Variants in RHPN2 observed in about 807,000 individuals in gnomAD.
RHPN2 encodes the protein rhophilin-2.
A neutral mutation model predicts 79.0 loss-of-function variants in RHPN2; 40 were observed. The observed-to-expected ratio is 0.51, with a 90% CI of 0.39 to 0.66. RHPN2 has a LOEUF of 0.66. RHPN2 is among the 30% of genes least tolerant of loss of function. The probability of loss-of-function intolerance (pLI) is 0.00; values close to 1 mark genes in which losing one functional copy is unlikely to be tolerated. For missense variants in RHPN2, 686 were observed against 883.5 expected, an observed-to-expected ratio of 0.78 and a Z score of 2.83; for synonymous variants, 285 against 363.5, an observed-to-expected ratio of 0.78 and a Z score of 2.46.
chr19:33,055,360 C>T (rs1972223307), intron 1 of RHPN2, among the ~76,000 whole-genome samples: 1 of 149,416 alleles, frequency 6.7e-6, no homozygotes, highest in South Asian at 2.1e-4. Flanking sequence ...ATTCTGTCAT[C>T]TTTAAAAAAA....
rs1304596264 is a variant in RHPN2, at chr19:33,064,875, G to A, written c.-23C>T. 15 of 1,494,682 alleles carry A rather than the reference G, an allele frequency of 1.0e-5. No homozygotes were observed. The highest frequency in any genetic ancestry group is 1.3e-5 in the Non-Finnish European group (15 of 1,128,846). 92.6% of individuals were successfully genotyped at this position (1,494,682 alleles called of 1,614,324 possible). A position where few individuals can be genotyped will look rare whatever the true frequency, so the allele number is the denominator to read the frequency against. On this transcript the variant is annotated 5_prime_UTR_variant, in exon 1 of 15. Coordinates refer to ENST00000254260, the MANE Select transcript of RHPN2 (RefSeq NM_033103.5). ...CATGCTAGCGGCGCGGGCGCGGAGG[G>A]CGGACGGCGGACTGAGGCGCGGCGG...
chr19:33,015,105 G>A (rs1007127021), intron 4 of RHPN2, among the ~76,000 whole-genome samples: 2 of 151,680 alleles, frequency 1.3e-5, no homozygotes, highest in African/African-American at 4.8e-5. Context: ...AACTAGGGTA[G>A]ATTAACGTAC....
At chr19:33,045,943 TATA>T (rs1252001325) in intron 1 of RHPN2, among the ~76,000 whole-genome samples, 1 of 152,244 alleles carries the variant, frequency 6.6e-6, no homozygotes, top group Non-Finnish European at 1.5e-5. Context: ...AACGGAATCA[TATA>T]ATATGTGGCC....
intron 2 of RHPN2, among the ~76,000 whole-genome samples, chr19:33,035,590 CAGGTGT>C (rs1250776154): frequency 3.3e-5 from 5 of 152,094 alleles, no homozygotes; most frequent in Admixed American, 2.6e-4. Flanking sequence ...GTTGCTAGCA[CAGGTGT>C]AGGTCAGAGG....
chr19:32,995,210 C>T (rs902363836), intron 11 of RHPN2, among the ~76,000 whole-genome samples: 1 of 151,968 alleles, frequency 6.6e-6, no homozygotes, highest in Non-Finnish European at 1.5e-5. Context: ...GTAGCTGGAA[C>T]TATAGGTATG....
chr19:33,057,105 G>A (rs1599837712), intron 1 of RHPN2, among the ~76,000 whole-genome samples: 2 of 143,392 alleles, frequency 1.4e-5, no homozygotes, highest in East Asian at 4.1e-4. Flanking sequence ...GGGCAACAGA[G>A]CCAGACTCTG....
chr19:33,060,881 A>G (rs540321772), intron 1 of RHPN2, among the ~76,000 whole-genome samples: 18 of 152,176 alleles, frequency 1.2e-4, no homozygotes, highest in Non-Finnish European at 2.2e-4. Flanking sequence ...AAGAGAAGGA[A>G]GGGCAAAGAT....
chr19:33,026,181 G>A (rs1971964857), intron 3 of RHPN2, among the ~76,000 whole-genome samples: 1 of 151,780 alleles, frequency 6.6e-6, no homozygotes, highest in South Asian at 2.1e-4. Context: ...AGCAGAGACG[G>A]GGTTTCACCA....
chr19:33,019,027 A>T (rs1971901245), intron 4 of RHPN2, among the ~76,000 whole-genome samples: 1 of 106,784 alleles, frequency 9.4e-6, no homozygotes, highest in Admixed American at 8.9e-5. Flanking sequence ...GCGAAACTCC[A>T]GCTCAAAAAA....
intron 7 of RHPN2, among the ~76,000 whole-genome samples, chr19:33,003,961 C>T (rs894068383): frequency 6.6e-6 from 1 of 152,126 alleles, no homozygotes; most frequent in African/African-American, 2.4e-5. Flanking sequence ...GGTTGCTTGA[C>T]ATTAAGAGTT....
At chr19:33,011,540 A>G (rs940685699) in intron 6 of RHPN2, 139 bp downstream of exon 6, 10 of 1,037,310 alleles carry the variant, frequency 9.6e-6, no homozygotes, top group Admixed American at 1.9e-5. Flanking sequence ...ATCTTTTGAG[A>G]CTTCCCCAGA....
intron 1 of RHPN2, among the ~76,000 whole-genome samples, chr19:33,059,221 G>A (rs1972259254): frequency 6.6e-6 from 1 of 151,708 alleles, no homozygotes; most frequent in Non-Finnish European, 1.5e-5. Flanking sequence ...CGACTCCTGG[G>A]CCCCATCCCC....
chr19:33,040,377 C>T (rs549534246), intron 2 of RHPN2, among the ~76,000 whole-genome samples: 4 of 151,688 alleles, frequency 2.6e-5, no homozygotes, highest in Admixed American at 6.6e-5. Context: ...GCTGGGATTA[C>T]GGGCACGTGC....
At chr19:32,985,748 C>T (rs1170763531) in intron 14 of RHPN2, among the ~76,000 whole-genome samples, 1 of 152,202 alleles carries the variant, frequency 6.6e-6, no homozygotes, top group African/African-American at 2.4e-5. Context: ...TCTCATGCCT[C>T]AGCCTCCCAC....
intron 2 of RHPN2, among the ~76,000 whole-genome samples, chr19:33,036,471 G>A (rs558294532): frequency 8.5e-5 from 13 of 152,302 alleles, no homozygotes; most frequent in South Asian, 4.1e-4. Context: ...AGGTGACAGC[G>A]TGCTGGCAGT....
chr19:33,055,606 A>C (rs7508599), intron 1 of RHPN2, among the ~76,000 whole-genome samples: 1 of 151,700 alleles, frequency 6.6e-6, no homozygotes, highest in African/African-American at 2.4e-5. Flanking sequence ...CATCCACACA[A>C]GCGTTCATAA....
chr19:32,999,316 A>G (rs1436525337), intron 10 of RHPN2, among the ~76,000 whole-genome samples: 2 of 152,116 alleles, frequency 1.3e-5, no homozygotes, highest in East Asian at 3.9e-4. Context: ...TTAGCGTGAC[A>G]CATGCCACCC....
intron 1 of RHPN2, among the ~76,000 whole-genome samples, chr19:33,053,946 T>C (rs1263715793): frequency 6.6e-6 from 1 of 151,936 alleles, no homozygotes; most frequent in African/African-American, 2.4e-5. Flanking sequence ...GCAGCCTCAA[T>C]ATCCTGGGGC....
In RHPN2 at chr19:33,011,676, T is replaced by C. The variant is rs1422596963; in HGVS notation, c.593+3A>G. The C allele has an allele frequency of 6.8e-6, 11 of 1,613,842 alleles. No homozygotes were observed. The highest frequency in any genetic ancestry group is 4.4e-5 in the South Asian group (4 of 91,086). On this transcript the variant is annotated splice_donor_region_variant and intron_variant, in intron 6 of 14. Transcript: ENST00000254260. ...AGCGCCAGCGCAGACCTCAAGCACC[T>C]ACCAGGTGAACAGGAGTCCCATCTG... is the stretch of plus-strand genomic sequence containing the variant.
Sources: gnomAD v4.1 joint callset for allele counts (sites outside exome capture counted in the v4.1 genomes callset) on GRCh38, gnomAD v4.1.1 for gene constraint, MANE v1.5 for transcripts, NCBI Gene and HGNC (gene_info 2026-07-23, HGNC 2026-07-21) for gene names.